The following HIF3A variants were observed in gnomAD, a reference collection of about 807,000 sequenced individuals.
HIF3A encodes the protein hypoxia inducible factor 3 subunit alpha.
HIF3A carries 41 observed loss-of-function variants against 67.2 expected under a neutral mutation model. The ratio of observed to expected loss-of-function variants is 0.61; its 90% CI spans 0.48 to 0.79. The LOEUF is 0.79. Among genes scored for constraint, HIF3A ranks in the 30% least tolerant of loss-of-function variants. The pLI, the probability that HIF3A is intolerant of heterozygous loss-of-function variation, is 0.00. For synonymous variants in HIF3A, 356 were observed against 374.8 expected (o/e 0.95, Z 0.58); for missense variants, 855 against 898.0 (o/e 0.95, Z 0.61).
chr19:46,339,632 T>C lies in HIF3A; in HGVS notation c.*10T>C, dbSNP rs1221584248. Reference sequence around the variant, plus strand: ...AGCCCAGGCTGACTGAGCCGGCTCCTCTCCCCATCTGCCTTCTCCTCCCCC... The same window carrying C: ...AGCCCAGGCTGACTGAGCCGGCTCCCCTCCCCATCTGCCTTCTCCTCCCCC... On this transcript the variant is annotated 3_prime_UTR_variant, in exon 15 of 15. Transcript: ENST00000377670. 6.3e-7 allele frequency: 1 copy of C among 1,578,360 alleles called. No individual in the cohort carries two copies. Among genetic ancestry groups the C allele is most frequent in the South Asian group, 1.1e-5 (1 of 87,600 alleles).
intron 11 of HIF3A, among the ~76,000 whole-genome samples, chr19:46,326,010 A>G (rs1970755663): frequency 6.6e-6 from 1 of 152,014 alleles, no homozygotes; most frequent in Non-Finnish European, 1.5e-5. Flanking sequence ...AACAACAACT[A>G]TTTATTATGT....
Position 46,297,930 on chromosome 19 carries a change from C to G in HIF3A, c.26+828C>G, listed in dbSNP as rs1967985422. ...GCCTGCAGGCTGTGATGGGAACGCC[C>G]CCTGCCGCAGTACTCAGATGGGGTC... On this transcript the variant is annotated intron_variant, in intron 1 of 14. Coordinates refer to ENST00000377670, the MANE Select transcript of HIF3A (RefSeq NM_152795.4). This position sits in a 1 kb window ranked among gnomAD's most constrained non-coding sequence, Gnocchi z 4.5. 6.6e-6 allele frequency among the ~76,000 whole-genome samples: 1 copy of G among 152,004 alleles called. No individual in the cohort carries two copies. The highest frequency in any genetic ancestry group is 2.1e-4 in the South Asian group (1 of 4,824).
At chr19:46,312,438 GT>G (rs2147176031) in intron 7 of HIF3A, 67 bp from the exon 8 acceptor site, 1 of 1,597,132 alleles carries the variant, frequency 6.3e-7, no homozygotes, top group South Asian at 1.1e-5. Context: ...CTCATACCCA[GT>G]CCCCAGATAT....
chr19:46,313,907 C>A (rs1217026307), intron 8 of HIF3A, among the ~76,000 whole-genome samples: 2 of 152,148 alleles, frequency 1.3e-5, no homozygotes, highest in African/African-American at 4.8e-5. Context: ...GGTGATCCAC[C>A]CCCCTCAGCC....
chr19:46,331,967 A>AC (rs1568544698), intron 13 of HIF3A, among the ~76,000 whole-genome samples: 1 of 151,192 alleles, frequency 6.6e-6, no homozygotes, highest in African/African-American at 2.4e-5. Flanking sequence ...CTCCCATGGG[A>AC]CCCCCTCCCC....
At chr19:46,335,247 C>CGTTT (rs1555788679) in intron 14 of HIF3A, among the ~76,000 whole-genome samples, 1 of 146,186 alleles carries the variant, frequency 6.8e-6, no homozygotes, top group Non-Finnish European at 1.5e-5. Flanking sequence ...CCTATGATCA[C>CGTTT]ATTTATTTAT....
Position 46,325,622 on chromosome 19 carries a change from G to C in HIF3A, c.1423G>C (p.Asp475His), listed in dbSNP as rs1438255223. ...GAAAGACACTGAGGCAGTGGAGACAGATTTAGATATAGCTCAGGTAAGGGC... is the reference window on the plus strand; with the variant it reads ...GAAAGACACTGAGGCAGTGGAGACACATTTAGATATAGCTCAGGTAAGGGC... ...SGKDTEAVET[D>H]LDIAQDADAL... is the part of the protein sequence containing the mutation. Residue 475 changes from aspartate to histidine, a missense_variant, in exon 11 of 15, where the codon GAT (aspartate) becomes CAT (histidine). Coordinates refer to ENST00000377670, the MANE Select transcript of HIF3A (RefSeq NM_152795.4). 1 of 1,612,070 alleles carries C rather than the reference G, an allele frequency of 6.2e-7. No homozygotes were observed. The highest frequency in any genetic ancestry group is 1.3e-5 in the African/African-American group (1 of 74,886).
chr19:46,301,210 G>A (rs1461977175), intron 1 of HIF3A, among the ~76,000 whole-genome samples: 1 of 152,076 alleles, frequency 6.6e-6, no homozygotes, highest in Non-Finnish European at 1.5e-5. Flanking sequence ...GCTGTACTGA[G>A]GATTTTATTT....
At chr19:46,312,734 T>TGC (rs879410859) in intron 8 of HIF3A, 81 bp downstream of exon 8, 27,388 of 1,501,930 alleles carry the variant, frequency 0.018, 108 homozygotes, top group Non-Finnish European at 0.02. Flanking sequence ...TGTGTGTGTG[T>TGC]GTGCGTATGA....
chr19:46,312,768 GTGTA>G (rs1969565072), intron 8 of HIF3A, 115 bp downstream of exon 8: 2 of 1,464,330 alleles, frequency 1.4e-6, no homozygotes, highest in South Asian at 2.9e-5. Context: ...TCATGCATAA[GTGTA>G]TGTGAGGGAG....
At chr19:46,315,267 A>G (rs1207709346) in intron 8 of HIF3A, among the ~76,000 whole-genome samples, 1 of 145,658 alleles carries the variant, frequency 6.9e-6, no homozygotes, top group Non-Finnish European at 1.5e-5. Flanking sequence ...GAGTTTCACC[A>G]GATTGGCCAG....
intron 9 of HIF3A, among the ~76,000 whole-genome samples, chr19:46,321,526 G>C (rs963608050): frequency 1.3e-5 from 2 of 152,188 alleles, no homozygotes; most frequent in African/African-American, 4.8e-5. Flanking sequence ...AGAGGCTGCA[G>C]TGAACTGAGA....
rs1260695514 is a variant in HIF3A, at chr19:46,339,779, C to T, written c.*157C>T. On this transcript the variant is annotated 3_prime_UTR_variant, in exon 15 of 15. Transcript: ENST00000377670. The stretch of plus-strand genomic sequence containing the variant: ...CCTCGGGCCTACCTCAGCCCTCACC[C>T]CTCTGCCTGCTCCCAATCTGGGGGC... The T allele has an allele frequency of 2.2e-6, 1 of 458,340 alleles. No homozygotes were observed. The highest frequency in any genetic ancestry group is 3.8e-6 in the Non-Finnish European group (1 of 260,496). 28.4% of individuals were successfully genotyped at this position (458,340 alleles called of 1,614,324 possible).
intron 1 of HIF3A, chr19:46,298,310 C>T: frequency 9.8e-7 from 1 of 1,023,096 alleles, no homozygotes; most frequent in Non-Finnish European, 1.3e-6. Flanking sequence ...CGTTCCGCCC[C>T]TCTCAGCGCC....
chr19:46,308,499 T>TG (rs1969106571), intron 4 of HIF3A, 164 bp from the exon 5 acceptor site: 6 of 631,774 alleles, frequency 9.5e-6, no homozygotes, highest in African/African-American at 2.0e-5. Flanking sequence ...AGCCCTGCCC[T>TG]GGGGGGTCCA....
In HIF3A at chr19:46,311,847, C is replaced by T. The variant is rs114009172; in HGVS notation, c.771-314C>T. Among the ~76,000 whole-genome samples the T allele has an allele frequency of 7.8e-3, 1,191 of 152,200 alleles. 21 individuals carry two copies. The highest frequency in any genetic ancestry group is 0.026 in the African/African-American group (1,069 of 41,516). ...CTGCACTCTAGTCTGCGTGACAGAG[C>T]GAGAGCCTGCCTCAAAAAACAAACA... On this transcript the variant is annotated intron_variant, in intron 6 of 14. Transcript: ENST00000377670.
Position 46,304,049 on chromosome 19 carries a change from A to C in HIF3A, c.178A>C (p.Thr60Pro). The change falls in exon 2 of 15, where the codon ACC becomes CCC. Residue 60 changes from threonine (T) to proline (P), a missense_variant. By Grantham distance (38) the Thr-to-Pro change is conservative (BLOSUM62 -1). Coordinates refer to ENST00000377670, the MANE Select transcript of HIF3A (RefSeq NM_152795.4). Reference protein sequence around the residue: ...HLDKASIMRLTISYLRMHRLC... With the variant: ...HLDKASIMRLPISYLRMHRLC... ...GGACAAGGCCTCTATCATGCGCCTC[A>C]CCATCAGCTACCTGCGCATGCACCG... 6.3e-7 allele frequency: 1 copy of C among 1,582,834 alleles called. No homozygotes were observed. Among genetic ancestry groups the C allele is most frequent in the South Asian group, 1.2e-5 (1 of 86,924 alleles).
rs761440699 is a variant in HIF3A at position 46,304,041 on chromosome 19, T to C, written c.170T>C (p.Met57Thr). The change falls in exon 2 of 15, where the codon ATG becomes ACG. Residue 57 changes from methionine (M) to threonine (T), a missense_variant. By Grantham distance (81) the Met-to-Thr change is moderately conservative. Around this residue, in one of 3 missense-constraint regions of HIF3A, gnomAD observed 638 missense variants for 660.5 expected, o/e 0.97. Coordinates refer to ENST00000377670, the MANE Select transcript of HIF3A (RefSeq NM_152795.4). ...VSAHLDKASI[M>T]RLTISYLRMH... is the part of the protein sequence containing the mutation. ...GCCCACCTGGACAAGGCCTCTATCATGCGCCTCACCATCAGCTACCTGCGC... is the reference window on the plus strand; with the variant it reads ...GCCCACCTGGACAAGGCCTCTATCACGCGCCTCACCATCAGCTACCTGCGC... 3.1e-6 allele frequency: 5 copies of C among 1,588,332 alleles called. No individual in the cohort carries two copies. The highest frequency in any genetic ancestry group is 4.3e-6 in the Non-Finnish European group (5 of 1,168,114).
chr19:46,306,661 G>C (rs1968879960), intron 3 of HIF3A: 1 of 152,072 alleles, frequency 6.6e-6, no homozygotes, highest in Non-Finnish European at 1.5e-5. Flanking sequence ...ACATAAATAG[G>C]CTCCATAGTT....
Sources: allele counts gnomAD v4.1 joint callset (sites outside exome capture counted in the v4.1 genomes callset), GRCh38; gene constraint gnomAD v4.1.1; regional missense constraint gnomAD v4.1.1; non-coding constraint Gnocchi (gnomAD v3.1); transcripts MANE v1.5; gene names NCBI Gene and HGNC (gene_info 2026-07-23, HGNC 2026-07-21).